BTK: variants seen among roughly 807,000 people sequenced by gnomAD.
BTK encodes the protein tyrosine-protein kinase BTK.
BTK carries 5 observed loss-of-function variants against 57.4 expected under a neutral mutation model. That is an observed-to-expected ratio of 0.09 (90% CI 0.05 to 0.18). The LOEUF is 0.18. BTK is among the 10% of genes least tolerant of loss of function. The pLI is 1.00. For missense variants in BTK, 194 were observed against 501.2 expected, an observed-to-expected ratio of 0.39 and a Z score of 5.85; for synonymous variants, 154 against 174.3, an observed-to-expected ratio of 0.88 and a Z score of 0.92.
rs1926975244 is a variant in BTK at position 101,370,022 on chromosome X, G to A, written c.367C>T (p.Arg123Trp). ...CCGTTTTTGAGCTGGTGAATCCACC[G>A]CTTCCTTAGTTCTTCAGTTGGGGAG... is the stretch of plus-strand genomic sequence containing the variant. ...VFSPTEELRK[R>W]WIHQLKNVIR... The change falls in exon 5 of 19, where the codon CGG becomes TGG. Residue 123 changes from arginine to tryptophan, a missense_variant. Transcript: ENST00000308731. The A allele has an allele frequency of 1.7e-6, 2 of 1,207,874 alleles. No individual in the cohort carries two copies. Among genetic ancestry groups the A allele is most frequent in the African/African-American group, 1.8e-5 (1 of 56,732 alleles).
upstream of BTK, among the ~76,000 whole-genome samples, chrX:101,387,397 G>A (rs1927650867): frequency 1.0e-5 from 1 of 98,491 alleles, no homozygotes; most frequent in African/African-American, 3.9e-5. Flanking sequence ...TGAAGCCCAG[G>A]TTGGAGTGCA....
intron 5 of BTK, among the ~76,000 whole-genome samples, chrX:101,365,570 C>G (rs1211964709): frequency 8.9e-6 from 1 of 112,165 alleles, no homozygotes; most frequent in Non-Finnish European, 1.9e-5. Flanking sequence ...TGCACATTCC[C>G]CTATTGGGAA....
intron 10 of BTK, 141 bp downstream of exon 10, chrX:101,359,151 CA>C (rs1158706204): frequency 7.7e-5 from 54 of 698,096 alleles, no homozygotes; most frequent in Non-Finnish European, 1.1e-4. Flanking sequence ...AAAACAAAAA[CA>C]AAAAAAATGG....
At chrX:101,384,559 C>T (rs1048163948) in intron 1 of BTK, among the ~76,000 whole-genome samples, 1 of 107,402 alleles carries the variant, frequency 9.3e-6, no homozygotes, top group East Asian at 2.9e-4. Context: ...ATCCCGAGAT[C>T]GTGCCATTGC....
chrX:101,362,110 G>A (rs1926689818), intron 7 of BTK, 63 bp downstream of exon 7: 2 of 1,095,948 alleles, frequency 1.8e-6, no homozygotes, highest in African/African-American at 1.8e-5. Flanking sequence ...ACTCTAGTGT[G>A]TTCTTAGGGC....
upstream of BTK, among the ~76,000 whole-genome samples, chrX:101,389,242 A>C (rs1927709823): frequency 9.0e-6 from 1 of 111,624 alleles, no homozygotes; most frequent in African/African-American, 3.3e-5. Flanking sequence ...CTTGAATATA[A>C]ACAATTTTTG....
chrX:101,376,733 G>T (rs985606087), intron 1 of BTK, among the ~76,000 whole-genome samples: 4 of 107,703 alleles, frequency 3.7e-5, no homozygotes, highest in African/African-American at 1.1e-4. Context: ...TTCCTCTGGT[G>T]GGGGGGTGGG....
intron 18 of BTK, among the ~76,000 whole-genome samples, chrX:101,350,326 T>C (rs1381889214): frequency 9.1e-6 from 1 of 109,387 alleles, no homozygotes; most frequent in Non-Finnish European, 1.9e-5. Flanking sequence ...AGAAATCCCA[T>C]GTGATAATTT....
At chrX:101,380,530 C>T (rs782288308) in intron 1 of BTK, among the ~76,000 whole-genome samples, 5 of 111,391 alleles carry the variant, frequency 4.5e-5, no homozygotes, top group South Asian at 7.5e-4. Flanking sequence ...TATTGCCTCA[C>T]GTGTTAAGAA....
At chrX:101,378,979 G>T (rs1349945220) in intron 1 of BTK, among the ~76,000 whole-genome samples, 1 of 109,684 alleles carries the variant, frequency 9.1e-6, no homozygotes, top group Non-Finnish European at 1.9e-5. Context: ...TTAGAGACCA[G>T]CCTGGCCAAC....
rs1555978030 is a variant in BTK, at chrX:101,357,595, A to G, written c.1103-12T>C. On this transcript the variant is annotated splice_polypyrimidine_tract_variant and intron_variant, in intron 12 of 18. Transcript: ENST00000308731. ...CCTGGATATGAGTCCTGAAACAGAGAGAGAGGTCATGCTGTTGGTGTGGTG... is the reference window on the plus strand; with the variant it reads ...CCTGGATATGAGTCCTGAAACAGAGGGAGAGGTCATGCTGTTGGTGTGGTG... 1 of 1,194,860 alleles carries G rather than the reference A, an allele frequency of 8.4e-7. No individual in the cohort carries two copies. The highest frequency in any genetic ancestry group is 1.8e-5 in the South Asian group (1 of 56,432).
intron 1 of BTK, among the ~76,000 whole-genome samples, chrX:101,382,231 A>T (rs3027612): frequency 9.1e-6 from 1 of 110,495 alleles, no homozygotes; most frequent in African/African-American, 3.3e-5. Context: ...CGAAAGCTGC[A>T]TGCTGACCAG....
chrX:101,389,635 C>T (rs1175849545), upstream of BTK, among the ~76,000 whole-genome samples: 1 of 111,406 alleles, frequency 9.0e-6, no homozygotes, highest in African/African-American at 3.3e-5. Context: ...GCCCCTATTC[C>T]ACTGCCACCT....
chrX:101,370,388 T>C (rs1170522825), intron 4 of BTK, among the ~76,000 whole-genome samples: 6 of 112,114 alleles, frequency 5.4e-5, no homozygotes, highest in African/African-American at 1.9e-4. Flanking sequence ...GGAGATAACA[T>C]TTTTGTTTAT....
intron 1 of BTK, among the ~76,000 whole-genome samples, 173 bp from the exon 2 acceptor site, chrX:101,375,487 A>G (rs782349035): frequency 1.8e-5 from 2 of 111,937 alleles, no homozygotes; most frequent in Non-Finnish European, 3.8e-5. Flanking sequence ...TTTCAGGTAT[A>G]ATGGATGCAC....
chrX:101,352,043 G>A (rs1040700591), intron 18 of BTK, among the ~76,000 whole-genome samples: 7 of 108,222 alleles, frequency 6.5e-5, no homozygotes, highest in Admixed American at 2.0e-4. Flanking sequence ...GGCCCCTGTA[G>A]TCCCAGCTAC....
intron 4 of BTK, among the ~76,000 whole-genome samples, chrX:101,370,594 A>T (rs919087124): frequency 1.3e-4 from 15 of 111,907 alleles, no homozygotes; most frequent in Non-Finnish European, 2.6e-4. Context: ...ATATTAGCCA[A>T]AATAAATCAA....
chrX:101,374,430 C>T, intron 3 of BTK, 106 bp downstream of exon 3: 3 of 654,663 alleles, frequency 4.6e-6, no homozygotes, highest in African/African-American at 2.1e-5. Flanking sequence ...GAAACTTGAC[C>T]GTGTTCCACG....
intron 18 of BTK, among the ~76,000 whole-genome samples, chrX:101,352,172 A>AG (rs1352900588): frequency 1.0e-4 from 11 of 110,408 alleles, no homozygotes; most frequent in African/African-American, 3.6e-4. Context: ...CAAAAAAAAA[A>AG]AAAAAAAAAT....
Sources: allele counts gnomAD v4.1 joint callset (sites outside exome capture counted in the v4.1 genomes callset), GRCh38; gene constraint gnomAD v4.1.1; transcripts MANE v1.5; gene names NCBI Gene and HGNC (gene_info 2026-07-23, HGNC 2026-07-21).